The following KCNIP4 variants were observed in gnomAD, a reference collection of about 807,000 sequenced individuals.
KCNIP4 encodes potassium voltage-gated channel interacting protein 4, also known as Kv channel-interacting protein 4.
KCNIP4 carries 12 observed loss-of-function variants against 34.0 expected under a neutral mutation model. That is an observed-to-expected ratio of 0.35 (90% CI 0.23 to 0.57). The LOEUF (loss-of-function observed/expected upper bound fraction) is 0.57. Ranked by LOEUF, KCNIP4 falls within the 20% of genes least tolerant of loss-of-function variation. The probability of loss-of-function intolerance (pLI) is 0.83; values close to 1 mark genes in which losing one functional copy is unlikely to be tolerated. For synonymous variants in KCNIP4, 124 were observed against 102.2 expected, an observed-to-expected ratio of 1.21 and a Z score of -1.29; for missense variants, 238 against 311.7, an observed-to-expected ratio of 0.76 and a Z score of 1.78.
chr4:21,426,280 C>G (rs1344130931), intron 1 of KCNIP4, among the ~76,000 whole-genome samples: 1 of 152,128 alleles, frequency 6.6e-6, no homozygotes. Context: ...GATATGGACA[C>G]ATGGAGTCTT....
At chr4:20,908,340 C>T (rs189094944) in intron 1 of KCNIP4, among the ~76,000 whole-genome samples, 4 of 152,282 alleles carry the variant, frequency 2.6e-5, no homozygotes, top group East Asian at 3.9e-4. Flanking sequence ...CCTCGTGATC[C>T]GCCTGCCTCA....
rs59134256 is a variant in KCNIP4 at position 20,842,581 on chromosome 4, C to CAAAAAAAAAAAA, written c.288+7950_288+7961dup. Among the ~76,000 whole-genome samples the CAAAAAAAAAAAA allele has an allele frequency of 1.1e-3, 75 of 69,690 alleles. 4 individuals are homozygous for CAAAAAAAAAAAA. Among genetic ancestry groups the CAAAAAAAAAAAA allele is most frequent in the African/African-American group, 4.0e-3 (69 of 17,062 alleles). 45.7% of individuals were successfully genotyped at this position (69,690 alleles called of 152,430 possible). A position where few individuals can be genotyped will look rare whatever the true frequency, so the allele number is the denominator to read the frequency against. ...GGCAATTGAGTCTCTCTTCTAATGGCAAAAAAAAAAAAAAAAAAAAAAAAA... is the reference window on the plus strand; with the variant it reads ...GGCAATTGAGTCTCTCTTCTAATGGCAAAAAAAAAAAAAAAAAAAAAAAAAAAAAAAAAAAAA... On this transcript the variant is annotated intron_variant, in intron 3 of 8. Coordinates refer to ENST00000382152, the MANE Select transcript of KCNIP4 (RefSeq NM_025221.6).
intron 1 of KCNIP4, 97 bp downstream of exon 1, chr4:21,948,474 A>G: frequency 7.4e-7 from 1 of 1,343,346 alleles, no homozygotes; most frequent in Non-Finnish European, 1.0e-6. Context: ...GAAGGCAACA[A>G]GCGTCCCCAG....
intron 1 of KCNIP4, among the ~76,000 whole-genome samples, chr4:21,541,767 G>A (rs1191383388): frequency 6.6e-6 from 1 of 151,658 alleles, no homozygotes; most frequent in Non-Finnish European, 1.5e-5. Flanking sequence ...TAAGCCTCCT[G>A]GGTAGCTAGG....
intron 1 of KCNIP4, among the ~76,000 whole-genome samples, chr4:21,590,221 A>C (rs1742086608): frequency 1.3e-5 from 2 of 152,060 alleles, no homozygotes; most frequent in South Asian, 4.1e-4. Context: ...TCTGGTTGGA[A>C]AGGGATGAAA....
Position 21,801,965 on chromosome 4 carries a change from T to A in KCNIP4, c.61+146606A>T, listed in dbSNP as rs191547483. On this transcript the variant is annotated intron_variant, in intron 1 of 8. Transcript: ENST00000382152. ...AAACAGAATTCAGGGAATTTTTTTTTTAAAAAAGAATAATTTTAGGTGGGG... is the reference window on the plus strand; with the variant it reads ...AAACAGAATTCAGGGAATTTTTTTTATAAAAAAGAATAATTTTAGGTGGGG... 6.8e-3 allele frequency among the ~76,000 whole-genome samples: 1,028 copies of A among 151,912 alleles called. 15 individuals carry two copies. Among genetic ancestry groups the A allele is most frequent in the African/African-American group, 0.023 (947 of 41,442 alleles).
chr4:21,536,596 T>C (rs1042513266), intron 1 of KCNIP4, among the ~76,000 whole-genome samples: 19 of 152,024 alleles, frequency 1.2e-4, no homozygotes, highest in Admixed American at 6.6e-4. Flanking sequence ...CTGGCCAACA[T>C]TGCAAAACCC....
chr4:20,941,596 T>C (rs1731645086), intron 1 of KCNIP4, among the ~76,000 whole-genome samples: 1 of 152,224 alleles, frequency 6.6e-6, no homozygotes, highest in East Asian at 1.9e-4. Flanking sequence ...ACCTGGTAAA[T>C]TTAAGACGGC....
rs187060550 is a variant in KCNIP4 at position 20,888,930 on chromosome 4, G to T, written c.62-6221C>A. 2.6e-5 allele frequency among the ~76,000 whole-genome samples: 4 copies of T among 152,168 alleles called. No homozygotes were observed. The East Asian group carries it at 5.8e-4, about 22-fold the overall frequency. On this transcript the variant is annotated intron_variant, in intron 1 of 8. Transcript: ENST00000382152. ...AATGAACCTGTTAAATGCTGTATTT[G>T]CTCCCACAGCTTACTACAGAATGTT...
chr4:20,736,388 AATGAG>A (rs1476293661), intron 5 of KCNIP4, among the ~76,000 whole-genome samples: 2 of 152,062 alleles, frequency 1.3e-5, no homozygotes, highest in Admixed American at 6.6e-5. Flanking sequence ...TGCTGTTGTA[AATGAG>A]ATATTTTTTT....
chr4:21,283,590 T>A (rs913454828), intron 1 of KCNIP4, among the ~76,000 whole-genome samples: 35 of 143,148 alleles, frequency 2.4e-4, no homozygotes, highest in African/African-American at 8.9e-4. Context: ...TCTGAACTAG[T>A]CCATGTGAAA....
At position 21,406,805 on chromosome 4, in the gene KCNIP4, G is replaced by A. The variant is rs543325659; in HGVS notation, c.62-524096C>T. On this transcript the variant is annotated intron_variant, in intron 1 of 8. Coordinates refer to ENST00000382152, the MANE Select transcript of KCNIP4 (RefSeq NM_025221.6). ...TTCAAGGAAACAATTGAGAGTATTCGTGAATAATGATGAAATCTGAGCTTT... is the reference window on the plus strand; with the variant it reads ...TTCAAGGAAACAATTGAGAGTATTCATGAATAATGATGAAATCTGAGCTTT... 1.1e-4 allele frequency among the ~76,000 whole-genome samples: 16 copies of A among 152,284 alleles called. No homozygotes were observed. In the South Asian group the frequency reaches 1.2e-3, roughly 12 times the overall value.
intron 1 of KCNIP4, among the ~76,000 whole-genome samples, chr4:21,188,536 A>G (rs1755405940): frequency 6.6e-6 from 1 of 152,240 alleles, no homozygotes; most frequent in African/African-American, 2.4e-5. Context: ...CTACATGTAG[A>G]GAATTGCTAA....
chr4:21,261,140 A>T (rs1225477311), intron 1 of KCNIP4, among the ~76,000 whole-genome samples: 2 of 152,196 alleles, frequency 1.3e-5, no homozygotes, highest in Non-Finnish European at 2.9e-5. Flanking sequence ...TTCTATTTCC[A>T]TAGAAGGCTT....
At chr4:21,050,613 C>T (rs532689483) in intron 1 of KCNIP4, among the ~76,000 whole-genome samples, 83 of 152,170 alleles carry the variant, frequency 5.5e-4, no homozygotes, top group Non-Finnish European at 1.1e-3. Flanking sequence ...TTCTATAAAC[C>T]TTTCACAAAA....
intron 1 of KCNIP4, among the ~76,000 whole-genome samples, chr4:21,784,342 AT>A (rs1719763156): frequency 6.6e-6 from 1 of 152,302 alleles, no homozygotes; most frequent in East Asian, 1.9e-4. Context: ...CTCTGTCACT[AT>A]ATACAGAACA....
chr4:21,860,766 C>A (rs1162875636), intron 1 of KCNIP4, among the ~76,000 whole-genome samples: 10 of 152,134 alleles, frequency 6.6e-5, no homozygotes, highest in African/African-American at 2.4e-4. Flanking sequence ...ATACACATAG[C>A]CTATGTAGTT....
chr4:21,541,898 C>T (rs1189015570), intron 1 of KCNIP4, among the ~76,000 whole-genome samples: 1 of 152,100 alleles, frequency 6.6e-6, no homozygotes, highest in Non-Finnish European at 1.5e-5. Flanking sequence ...CAACCTCAGC[C>T]TCCAAAAATG....
chr4:20,793,490 T>A (rs142204559), intron 3 of KCNIP4, among the ~76,000 whole-genome samples: 1 of 152,146 alleles, frequency 6.6e-6, no homozygotes, highest in African/African-American at 2.4e-5. Context: ...GATGATTTCA[T>A]GAATGGGTAT....
Sources: allele counts gnomAD v4.1 joint callset (sites outside exome capture counted in the v4.1 genomes callset), GRCh38; gene constraint gnomAD v4.1.1; transcripts MANE v1.5; gene names NCBI Gene and HGNC (gene_info 2026-07-23, HGNC 2026-07-21).